The following CAMTA1 variants were observed in gnomAD, a reference collection of about 807,000 sequenced individuals.
CAMTA1 encodes calmodulin-binding transcription activator 1.
Under a neutral mutation model 170.9 loss-of-function variants are expected in CAMTA1, and 27 were observed. That is an observed-to-expected ratio of 0.16 (90% CI 0.12 to 0.22). CAMTA1 has a LOEUF of 0.22. Ranked by LOEUF, CAMTA1 falls within the 10% of genes least tolerant of loss-of-function variation. CAMTA1 has a pLI of 1.00. For synonymous variants in CAMTA1, 833 were observed against 891.5 expected, an observed-to-expected ratio of 0.93 and a Z score of 1.17; for missense variants, 1,619 against 2,217.2, an observed-to-expected ratio of 0.73 and a Z score of 5.42.
chr1:7,399,760 G>A (rs1205944654), intron 5 of CAMTA1, among the ~76,000 whole-genome samples: 1 of 152,092 alleles, frequency 6.6e-6, no homozygotes, highest in Admixed American at 6.5e-5. Context: ...TTCTAGGCTG[G>A]CAGGTTTTTT....
intron 1 of CAMTA1, among the ~76,000 whole-genome samples, chr1:6,807,516 C>G (rs1466025866): frequency 6.6e-6 from 1 of 151,956 alleles, no homozygotes; most frequent in African/African-American, 2.4e-5. Context: ...GTCAGGAGAT[C>G]GAGACCATCC....
intron 4 of CAMTA1, among the ~76,000 whole-genome samples, chr1:7,125,991 G>A (rs780777505): frequency 6.6e-6 from 1 of 152,092 alleles, no homozygotes; most frequent in Non-Finnish European, 1.5e-5. Context: ...CCACATGGCT[G>A]GGGAGGCCTC....
chr1:7,274,270 TAG>T (rs2149419178), intron 5 of CAMTA1, among the ~76,000 whole-genome samples: 1 of 151,830 alleles, frequency 6.6e-6, no homozygotes, highest in South Asian at 2.1e-4. Flanking sequence ...TGGGAAAAAA[TAG>T]AGTGTGCAAA....
chr1:7,536,120 G>T (rs1329669949), intron 6 of CAMTA1, among the ~76,000 whole-genome samples: 2 of 151,864 alleles, frequency 1.3e-5, no homozygotes, highest in Non-Finnish European at 2.9e-5. Context: ...ATCCCTGGCA[G>T]CCCCCAGAGG....
intron 6 of CAMTA1, among the ~76,000 whole-genome samples, chr1:7,579,547 CTTTTCTT>C (rs2095238056): frequency 9.0e-6 from 1 of 111,462 alleles, no homozygotes; most frequent in Admixed American, 8.7e-5. Flanking sequence ...CTTTTCTTTT[CTTTTCTT>C]TTTTTTTTTT....
intron 4 of CAMTA1, among the ~76,000 whole-genome samples, chr1:7,105,809 G>C (rs1261102077): frequency 6.6e-6 from 1 of 151,944 alleles, no homozygotes; most frequent in Non-Finnish European, 1.5e-5. Flanking sequence ...TGGGCATGGT[G>C]GTGCACCTGT....
At chr1:7,735,929 C>T (rs1317329959) in intron 12 of CAMTA1, among the ~76,000 whole-genome samples, 6 of 151,946 alleles carry the variant, frequency 3.9e-5, no homozygotes, top group Non-Finnish European at 7.4e-5. Context: ...CCCACCACCA[C>T]GCCTGGCTAA....
Position 7,665,168 on chromosome 1 carries a change from C to T in CAMTA1, c.2621C>T (p.Thr874Ile). Residue 874 changes from threonine to isoleucine, a missense_variant, in exon 9 of 23, where the codon ACC becomes ATC. Thr to Ile is a moderately conservative substitution (Grantham distance 89, BLOSUM62 -1). This residue lies in a region of CAMTA1 where 29 missense variants were observed against 70.9 expected (regional missense o/e 0.41). Coordinates refer to ENST00000303635, the MANE Select transcript of CAMTA1 (RefSeq NM_015215.4). This position sits in a 1 kb window ranked among gnomAD's most constrained non-coding sequence, Gnocchi z 4.3. ...CAGAGCGGACGGGTGTTCATGGTGA[C>T]CGACTACTCCCCAGAGTGGTCTTAC... ...LQQSGRVFMV[T>I]DYSPEWSYPE... 6.7e-7 allele frequency: 1 copy of T among 1,492,662 alleles called. No individual in the cohort carries two copies. The highest frequency in any genetic ancestry group is 8.9e-7 in the Non-Finnish European group (1 of 1,126,206). The allele number at this position is 1,492,662 out of a possible 1,614,324, so 92.5% of individuals were successfully genotyped here.
intron 5 of CAMTA1, among the ~76,000 whole-genome samples, chr1:7,353,097 G>A (rs1054393423): frequency 6.6e-6 from 1 of 152,162 alleles, no homozygotes; most frequent in Admixed American, 6.5e-5. Flanking sequence ...GTCAGCCTAG[G>A]TCATGTGTGG....
At chr1:7,520,052 A>G (rs2149961583) in intron 6 of CAMTA1, among the ~76,000 whole-genome samples, 1 of 146,596 alleles carries the variant, frequency 6.8e-6, no homozygotes, top group Middle Eastern at 3.5e-3. Context: ...ACAAAAAGCA[A>G]CTCCCCTAGC....
chr1:6,950,103 C>T (rs1465257122), intron 3 of CAMTA1, among the ~76,000 whole-genome samples: 5 of 152,232 alleles, frequency 3.3e-5, no homozygotes, highest in African/African-American at 9.6e-5. Context: ...AGCCTCTGGC[C>T]GTTGCCTCAC....
intron 3 of CAMTA1, among the ~76,000 whole-genome samples, chr1:6,870,483 A>G (rs1052015604): frequency 2.0e-5 from 3 of 152,210 alleles, no homozygotes; most frequent in African/African-American, 4.8e-5. Context: ...GAGTTTGTTT[A>G]TTTATTGATT....
chr1:7,741,771 T>G (rs1280732355), intron 16 of CAMTA1, among the ~76,000 whole-genome samples: 1 of 151,874 alleles, frequency 6.6e-6, no homozygotes, highest in Non-Finnish European at 1.5e-5. Flanking sequence ...GGCAGGTCCC[T>G]GTAATCCCAG....
chr1:7,690,544 G>A (rs940005514), intron 11 of CAMTA1, among the ~76,000 whole-genome samples: 2 of 152,212 alleles, frequency 1.3e-5, no homozygotes, highest in African/African-American at 2.4e-5. Flanking sequence ...AAGCTGCATC[G>A]ATTGGTCTTG....
rs183314164 is a variant in CAMTA1 at position 7,215,746 on chromosome 1, T to C, written c.303-33745T>C. Reference sequence around the variant, plus strand: ...GTACATTTTTGGAATTTCTATTGCTTTAATTTTGAAAAGATTTTTAACATT... The same window carrying C: ...GTACATTTTTGGAATTTCTATTGCTCTAATTTTGAAAAGATTTTTAACATT... On this transcript the variant is annotated intron_variant, in intron 4 of 22. Transcript: ENST00000303635. Among the ~76,000 whole-genome samples the C allele has an allele frequency of 3.9e-5, 6 of 152,374 alleles. No homozygotes were observed. The East Asian group carries it at 1.2e-3, about 29-fold the overall frequency.
intron 4 of CAMTA1, among the ~76,000 whole-genome samples, chr1:7,229,858 G>T (rs941344230): frequency 1.3e-5 from 2 of 152,122 alleles, no homozygotes; most frequent in African/African-American, 4.8e-5. Context: ...AAAATAGCCC[G>T]CATAGTCCCC....
chr1:6,789,149 C>A (rs1569784777), intron 1 of CAMTA1, among the ~76,000 whole-genome samples: 1 of 152,292 alleles, frequency 6.6e-6, no homozygotes, highest in African/African-American at 2.4e-5. Flanking sequence ...TGTTGACATA[C>A]ACAGAGCAAC....
chr1:6,797,869 T>C (rs1642905476), intron 1 of CAMTA1, among the ~76,000 whole-genome samples: 1 of 152,056 alleles, frequency 6.6e-6, no homozygotes, highest in East Asian at 1.9e-4. Context: ...TAAAAGCAAG[T>C]AGACTGTGAA....
rs1057130147 is a variant in CAMTA1, at chr1:7,592,898, T to C, written c.511-47502T>C. On this transcript the variant is annotated intron_variant, in intron 6 of 22. Coordinates refer to ENST00000303635, the MANE Select transcript of CAMTA1 (RefSeq NM_015215.4). This position sits in a 1 kb window ranked among gnomAD's most constrained non-coding sequence, Gnocchi z 4.6. Reference sequence around the variant, plus strand: ...ATCATGACCTCATGAAATGCAATATTGCATTAAACCTCAGCAGGGCCGAGA... The same window carrying C: ...ATCATGACCTCATGAAATGCAATATCGCATTAAACCTCAGCAGGGCCGAGA... Among the ~76,000 whole-genome samples the C allele has an allele frequency of 5.9e-5, 9 of 152,174 alleles. No individual in the cohort carries two copies. Among genetic ancestry groups the C allele is most frequent in the African/African-American group, 2.2e-4 (9 of 41,438 alleles).
Sources: allele counts gnomAD v4.1 joint callset (sites outside exome capture counted in the v4.1 genomes callset), GRCh38; gene constraint gnomAD v4.1.1; regional missense constraint gnomAD v4.1.1; non-coding constraint Gnocchi (gnomAD v3.1); transcripts MANE v1.5; gene names NCBI Gene and HGNC (gene_info 2026-07-23, HGNC 2026-07-21).